The following FSTL4 variants were observed in gnomAD, a reference collection of about 807,000 sequenced individuals.
FSTL4 encodes follistatin like 4, also known as follistatin-related protein 4.
FSTL4 carries 28 observed loss-of-function variants against 78.2 expected under a neutral mutation model. That is an observed-to-expected ratio of 0.36 (90% CI 0.27 to 0.49). The LOEUF (loss-of-function observed/expected upper bound fraction) is 0.49, where lower values mean the gene tolerates loss of function less well. Among genes scored for constraint, FSTL4 ranks in the 20% least tolerant of loss-of-function variants. The pLI is 0.98. For missense variants in FSTL4, 922 were observed against 1,084.9 expected (o/e 0.85, Z 2.11); for synonymous variants, 422 against 440.5 (o/e 0.96, Z 0.53).
chr5:133,719,999 G>A, the FSTL4 span, among the ~76,000 whole-genome samples: 1 of 152,124 alleles, frequency 6.6e-6, no homozygotes, highest in African/African-American at 2.4e-5. Flanking sequence ...TTCATTATGG[G>A]AGAACTGGCT....
Position 133,203,337 on chromosome 5 carries a change from C to A in FSTL4, c.1717-1295G>T, listed in dbSNP as rs530413862. On this transcript the variant is annotated intron_variant, in intron 14 of 15. Coordinates refer to ENST00000265342, the MANE Select transcript of FSTL4 (RefSeq NM_015082.2). The stretch of plus-strand genomic sequence containing the variant: ...CTGACTCTGGTGGGGGCTTGTGACT[C>A]CCATGGCTGAGAGCTCTGGATGCTT... 5.3e-5 allele frequency among the ~76,000 whole-genome samples: 8 copies of A among 152,312 alleles called. No individual in the cohort carries two copies. The South Asian group carries it at 1.7e-3, about 32-fold the overall frequency.
At chr5:133,243,011 C>A (rs933009557) in intron 7 of FSTL4, among the ~76,000 whole-genome samples, 1 of 152,072 alleles carries the variant, frequency 6.6e-6, no homozygotes, top group Non-Finnish European at 1.5e-5. Context: ...TTCTTTTGGT[C>A]TTTTTAATAA....
chr5:133,217,772 C>T (rs368704430), intron 12 of FSTL4, among the ~76,000 whole-genome samples: 2 of 152,144 alleles, frequency 1.3e-5, no homozygotes, highest in African/African-American at 2.4e-5. Flanking sequence ...TCAGAGCTGA[C>T]GTTGTTCTCC....
chr5:133,459,311 T>C (rs2112836507), intron 3 of FSTL4, among the ~76,000 whole-genome samples: 1 of 151,830 alleles, frequency 6.6e-6, no homozygotes, highest in Non-Finnish European at 1.5e-5. Flanking sequence ...GGGCAGCCCT[T>C]CCTCCAAAGC....
At chr5:133,422,976 G>A (rs1046225584) in intron 3 of FSTL4, among the ~76,000 whole-genome samples, 1 of 151,784 alleles carries the variant, frequency 6.6e-6, no homozygotes, top group East Asian at 1.9e-4. Context: ...GATGAATGAG[G>A]CTTTCTGTCT....
At chr5:133,469,955 A>G (rs901646274) in intron 3 of FSTL4, among the ~76,000 whole-genome samples, 4 of 152,112 alleles carry the variant, frequency 2.6e-5, no homozygotes, top group African/African-American at 9.7e-5. Flanking sequence ...AAAAAAAAAC[A>G]GAAGAATTTT....
chr5:133,839,076 A>G, the FSTL4 span, among the ~76,000 whole-genome samples: 1 of 152,236 alleles, frequency 6.6e-6, no homozygotes. Flanking sequence ...CTGAGAAAAG[A>G]CTGCCGTGAC....
At chr5:133,654,270 A>G in the FSTL4 span, among the ~76,000 whole-genome samples, 8,955 of 152,228 alleles carry the variant, frequency 0.059, 871 homozygotes, top group African/African-American at 0.21. Flanking sequence ...GGTCCTTTAC[A>G]TGAATTATTT....
intron 3 of FSTL4, among the ~76,000 whole-genome samples, chr5:133,477,813 C>T (rs565264614): frequency 6.5e-4 from 99 of 152,208 alleles, no homozygotes; most frequent in African/African-American, 2.2e-3. Flanking sequence ...CTGAGAAGTG[C>T]CAATTTTCCA....
the FSTL4 span, among the ~76,000 whole-genome samples, chr5:133,817,184 C>A: frequency 1.3e-5 from 2 of 152,268 alleles, no homozygotes; most frequent in African/African-American, 4.8e-5. Flanking sequence ...GACAGCCCTG[C>A]GAAGCTGAGT....
At chr5:133,795,865 G>A in the FSTL4 span, among the ~76,000 whole-genome samples, 2 of 152,242 alleles carry the variant, frequency 1.3e-5, no homozygotes, top group East Asian at 1.9e-4. Flanking sequence ...CCCAAAGCTT[G>A]GAGCCCAAGT....
intron 3 of FSTL4, among the ~76,000 whole-genome samples, chr5:133,547,006 G>A (rs1193824863): frequency 6.6e-6 from 1 of 152,216 alleles, no homozygotes; most frequent in African/African-American, 2.4e-5. Context: ...GAAGGATTGA[G>A]CCACTGCAGA....
At chr5:133,769,290 T>C in the FSTL4 span, among the ~76,000 whole-genome samples, 3 of 152,230 alleles carry the variant, frequency 2.0e-5, no homozygotes, top group Non-Finnish European at 4.4e-5. Context: ...GCTGGAAATG[T>C]GCCCAATAGC....
At chr5:133,743,668 C>A in the FSTL4 span, among the ~76,000 whole-genome samples, 147 of 152,336 alleles carry the variant, frequency 9.6e-4, 2 homozygotes, top group East Asian at 0.027. Flanking sequence ...TATTTAGGAA[C>A]CTAAGCTCTT....
intron 4 of FSTL4, among the ~76,000 whole-genome samples, chr5:133,396,937 C>G (rs1205101139): frequency 6.6e-6 from 1 of 152,204 alleles, no homozygotes; most frequent in African/African-American, 2.4e-5. Flanking sequence ...CCAAATCCAC[C>G]TGCAACCGCC....
chr5:133,229,103 T>C (rs1444297502), intron 8 of FSTL4, among the ~76,000 whole-genome samples: 2 of 152,190 alleles, frequency 1.3e-5, no homozygotes, highest in African/African-American at 2.4e-5. Context: ...CAATATAACC[T>C]CACTGATGAC....
intron 3 of FSTL4, among the ~76,000 whole-genome samples, chr5:133,437,651 G>A (rs575586048): frequency 1.6e-4 from 25 of 151,778 alleles, no homozygotes; most frequent in Non-Finnish European, 2.8e-4. Flanking sequence ...CACCACACCC[G>A]GTTAATTTTT....
At chr5:133,206,409 G>A (rs1461261522) in intron 14 of FSTL4, among the ~76,000 whole-genome samples, 1 of 152,136 alleles carries the variant, frequency 6.6e-6, no homozygotes, top group Non-Finnish European at 1.5e-5. Context: ...AGGCTGGAAT[G>A]CAGTGACACG....
chr5:133,416,936 G>A (rs1353125994), intron 3 of FSTL4, among the ~76,000 whole-genome samples: 2 of 152,160 alleles, frequency 1.3e-5, no homozygotes, highest in Non-Finnish European at 2.9e-5. Context: ...AGGTCTTTGG[G>A]TAAAGGATGT....
Sources: gnomAD v4.1 joint callset for allele counts (sites outside exome capture counted in the v4.1 genomes callset) on GRCh38, gnomAD v4.1.1 for gene constraint, MANE v1.5 for transcripts, NCBI Gene and HGNC (gene_info 2026-07-23, HGNC 2026-07-21) for gene names.